Variants in ITGAL observed in about 807,000 individuals in gnomAD.
ITGAL encodes the protein integrin alpha-L.
ITGAL carries 68 observed loss-of-function variants against 138.4 expected under a neutral mutation model. The observed-to-expected ratio is 0.49, with a 90% CI of 0.40 to 0.60. The LOEUF is 0.60. ITGAL is among the 20% of genes least tolerant of loss of function. ITGAL has a pLI of 0.00. For missense variants in ITGAL, 1,256 were observed against 1,478.6 expected, an observed-to-expected ratio of 0.85 and a Z score of 2.47; for synonymous variants, 561 against 584.3, an observed-to-expected ratio of 0.96 and a Z score of 0.57.
Position 30,483,951 on chromosome 16 carries a change from A to G in ITGAL, c.847A>G (p.Ile283Val), listed in dbSNP as rs1228798279. 2 of 1,612,962 alleles carry G rather than the reference A, an allele frequency of 1.2e-6. No homozygotes were observed. The highest frequency in any genetic ancestry group is 1.3e-5 in the African/African-American group (1 of 74,880). ...TGCGGCCAAAGACATCATCCGCTAC[A>G]TCATCGGGGTAGGGCCCCTGCTGCT... The part of the protein sequence containing the change: ...IDAAKDIIRY[I>V]IGIGKHFQTK... The change falls in exon 8 of 31, where the codon ATC becomes GTC. Residue 283 changes from isoleucine (I) to valine (V), a missense_variant. This residue lies in a region of ITGAL where 177 missense variants were observed against 288.8 expected (regional missense o/e 0.61). Coordinates refer to ENST00000356798, the MANE Select transcript of ITGAL (RefSeq NM_002209.3).
chr16:30,475,085 C>G (rs573953332), intron 2 of ITGAL, among the ~76,000 whole-genome samples: 1 of 152,094 alleles, frequency 6.6e-6, no homozygotes, highest in South Asian at 2.1e-4. Context: ...TCTCAAGTTC[C>G]TGACCTCAGG....
chr16:30,498,092 T>G (rs562994272), intron 15 of ITGAL, among the ~76,000 whole-genome samples: 2 of 151,668 alleles, frequency 1.3e-5, no homozygotes, highest in East Asian at 3.9e-4. Context: ...ACATCTTCAA[T>G]GGGAGGCACG....
At chr16:30,487,555 G>A (rs957675963) in intron 9 of ITGAL, among the ~76,000 whole-genome samples, 2 of 151,334 alleles carry the variant, frequency 1.3e-5, no homozygotes, top group South Asian at 2.1e-4. Flanking sequence ...TAGTACAGGC[G>A]CCTGCCACCA....
chr16:30,478,606 G>A (rs1406324804), intron 4 of ITGAL, among the ~76,000 whole-genome samples: 4 of 150,590 alleles, frequency 2.7e-5, no homozygotes, highest in Admixed American at 2.0e-4. Flanking sequence ...GCTGAGGCAG[G>A]AGAATGGCGT....
chr16:30,473,144 A>C (rs2050417767), intron 1 of ITGAL, among the ~76,000 whole-genome samples: 1 of 152,150 alleles, frequency 6.6e-6, no homozygotes, highest in Admixed American at 6.6e-5. Context: ...TTAAAAAGAC[A>C]GATAGGGCCA....
chr16:30,507,660 A>C (rs1469978119), intron 21 of ITGAL, among the ~76,000 whole-genome samples: 1 of 151,582 alleles, frequency 6.6e-6, no homozygotes, highest in African/African-American at 2.4e-5. Flanking sequence ...AAAAAAAAAA[A>C]AATTTAAATA....
chr16:30,514,934 C>A (rs537997813), intron 25 of ITGAL, among the ~76,000 whole-genome samples: 1 of 151,570 alleles, frequency 6.6e-6, no homozygotes, highest in Non-Finnish European at 1.5e-5. Context: ...AAGCAATTCT[C>A]CTGCTTCAGC....
At chr16:30,499,733 A>ATATATGTATATATATATATATATATAT in intron 17 of ITGAL, among the ~76,000 whole-genome samples, 12 of 88,366 alleles carry the variant, frequency 1.4e-4, no homozygotes, top group African/African-American at 7.2e-4. Context: ...ATATATATAT[A>ATATATGTATATATATATATATATATAT]TTTTTTTTTT....
intron 11 of ITGAL, among the ~76,000 whole-genome samples, chr16:30,493,968 C>T (rs2050762360): frequency 6.6e-6 from 1 of 152,200 alleles, no homozygotes; most frequent in South Asian, 2.1e-4. Context: ...CCACGCTCCA[C>T]TTGTTGTGCA....
At chr16:30,506,941 C>A in intron 21 of ITGAL, 85 bp downstream of exon 21, 1 of 1,486,898 alleles carries the variant, frequency 6.7e-7, no homozygotes, top group Non-Finnish European at 9.3e-7. Flanking sequence ...CCAGGACAGC[C>A]TGAACACATG....
intron 11 of ITGAL, among the ~76,000 whole-genome samples, chr16:30,493,267 T>TTTTATTTTATTTTA (rs1779342423): frequency 1.3e-5 from 2 of 148,844 alleles, no homozygotes; most frequent in South Asian, 4.2e-4. Flanking sequence ...TTTTATTTTA[T>TTTTATTTTATTTTA]TTTATTTTAT....
intron 24 of ITGAL, among the ~76,000 whole-genome samples, chr16:30,513,179 A>G (rs907421744): frequency 6.6e-6 from 1 of 152,222 alleles, no homozygotes; most frequent in Admixed American, 6.5e-5. Context: ...AGATGTCCTC[A>G]TCAGAGACCA....
chr16:30,501,250 T>C (rs1567479604), intron 17 of ITGAL, among the ~76,000 whole-genome samples: 2 of 152,230 alleles, frequency 1.3e-5, no homozygotes, highest in Non-Finnish European at 2.9e-5. Context: ...TTAATGCTGC[T>C]ACACAGCTTT....
At chr16:30,518,324 C>T (rs1430162887) in intron 28 of ITGAL, among the ~76,000 whole-genome samples, 2 of 151,922 alleles carry the variant, frequency 1.3e-5, no homozygotes, top group African/African-American at 4.8e-5. Context: ...TGGCACATGC[C>T]TGTAATCCCA....
chr16:30,488,684 CAG>C (rs1338148628), intron 9 of ITGAL, among the ~76,000 whole-genome samples: 1 of 116,134 alleles, frequency 8.6e-6, no homozygotes, highest in Admixed American at 1.3e-4. Flanking sequence ...GCCTCGGTGA[CAG>C]AGAGAGACTC....
At chr16:30,475,222 A>G (rs753087081) in intron 2 of ITGAL, 84 bp from the exon 3 acceptor site, 127 of 959,996 alleles carry the variant, frequency 1.3e-4, no homozygotes, top group Non-Finnish European at 1.9e-4. Context: ...GAAATGAGAC[A>G]GGAGATCTGA....
At chr16:30,510,309 G>C (rs2051070847) in intron 21 of ITGAL, 52 bp from the exon 22 acceptor site, 1 of 1,077,472 alleles carries the variant, frequency 9.3e-7, no homozygotes, top group Non-Finnish European at 1.4e-6. Flanking sequence ...TGGCCTCTGG[G>C]GGAAACTTGG....
rs1448166938 is a variant in ITGAL at position 30,510,906 on chromosome 16, C to T, written c.2645C>T (p.Thr882Ile). Residue 882 changes from threonine to isoleucine, a missense_variant, in exon 23 of 31, where the codon ACA becomes ATA. Transcript: ENST00000356798. ...HSVALQMMFN[T>I]LVNSSWGDSV... ...GTTGCTCTGCAGATGATGTTTAATA[C>T]ACTGGTAAACAGCTCCTGGGGGGAC... 1 of 1,613,958 alleles carries T rather than the reference C, an allele frequency of 6.2e-7. No individual in the cohort carries two copies. Among genetic ancestry groups the T allele is most frequent in the African/African-American group, 1.3e-5 (1 of 74,882 alleles).
chr16:30,478,194 C>G (rs1422784844), intron 4 of ITGAL, among the ~76,000 whole-genome samples: 1 of 150,006 alleles, frequency 6.7e-6, no homozygotes, highest in African/African-American at 2.5e-5. Flanking sequence ...ATTAACTGGG[C>G]GTGGTGGTGG....
Sources: gnomAD v4.1 joint callset for allele counts (sites outside exome capture counted in the v4.1 genomes callset) on GRCh38, gnomAD v4.1.1 for gene constraint, gnomAD v4.1.1 regional missense constraint, MANE v1.5 for transcripts, NCBI Gene and HGNC (gene_info 2026-07-23, HGNC 2026-07-21) for gene names.